Variants in USP32 observed in about 807,000 individuals in gnomAD.
USP32 encodes ubiquitin carboxyl-terminal hydrolase 32.
USP32 carries 59 observed loss-of-function variants against 204.8 expected under a neutral mutation model. That is an observed-to-expected ratio of 0.29 (90% CI 0.23 to 0.36). USP32 has a LOEUF of 0.36. Among genes scored for constraint, USP32 ranks in the 10% least tolerant of loss-of-function variants. The pLI is 1.00. For synonymous variants in USP32, 517 were observed against 678.4 expected (o/e 0.76, Z 3.70); for missense variants, 1,160 against 1,946.4 (o/e 0.60, Z 7.60).
chr17:60,229,285 C>T (rs996009027), intron 12 of USP32, among the ~76,000 whole-genome samples: 8 of 152,110 alleles, frequency 5.3e-5, no homozygotes, highest in Non-Finnish European at 1.0e-4. Flanking sequence ...CCAAACAATC[C>T]TCCTGCCTTG....
intron 7 of USP32, 145 bp from the exon 8 acceptor site, chr17:60,266,236 T>C (rs2086588312): frequency 5.1e-6 from 3 of 585,728 alleles, no homozygotes; most frequent in Non-Finnish European, 6.0e-6. Context: ...TAATAAACTA[T>C]ATTATGTCAT....
intron 1 of USP32, among the ~76,000 whole-genome samples, chr17:60,401,079 C>T (rs557943167): frequency 1.3e-5 from 2 of 151,868 alleles, no homozygotes; most frequent in African/African-American, 2.4e-5. Context: ...TGGCTTGAAC[C>T]GGGGAGGTAG....
intron 1 of USP32, among the ~76,000 whole-genome samples, chr17:60,357,222 G>A (rs887545846): frequency 6.6e-6 from 1 of 152,208 alleles, no homozygotes; most frequent in African/African-American, 2.4e-5. Context: ...TGGTCCAGGT[G>A]GGAGGACAGC....
intron 3 of USP32, among the ~76,000 whole-genome samples, chr17:60,296,055 G>A (rs939474724): frequency 2.0e-5 from 3 of 152,192 alleles, no homozygotes; most frequent in Non-Finnish European, 4.4e-5. Flanking sequence ...AACCTCTGTA[G>A]AGGGAAGAAC....
intron 1 of USP32, among the ~76,000 whole-genome samples, chr17:60,366,287 T>C (rs925606296): frequency 2.0e-5 from 3 of 152,154 alleles, no homozygotes; most frequent in Non-Finnish European, 2.9e-5. Flanking sequence ...GCCTCCCAAG[T>C]AGCTGGGATT....
At chr17:60,207,343 C>T (rs2084856149) in intron 24 of USP32, among the ~76,000 whole-genome samples, 1 of 152,028 alleles carries the variant, frequency 6.6e-6, no homozygotes, top group Non-Finnish European at 1.5e-5. Context: ...TCTCTTTTCA[C>T]AGGAAGAAGT....
At chr17:60,240,388 G>A (rs1030749913) in intron 11 of USP32, among the ~76,000 whole-genome samples, 1 of 152,000 alleles carries the variant, frequency 6.6e-6, no homozygotes, top group Non-Finnish European at 1.5e-5. Context: ...ACTTGTGTTC[G>A]AAGAGCTAGT....
intron 2 of USP32, among the ~76,000 whole-genome samples, chr17:60,316,676 A>C (rs1462184575): frequency 6.6e-6 from 1 of 152,080 alleles, no homozygotes; most frequent in African/African-American, 2.4e-5. Flanking sequence ...TCCCGTCTCT[A>C]CTAAAAATAC....
At chr17:60,257,675 G>C (rs2086347008) in intron 9 of USP32, among the ~76,000 whole-genome samples, 1 of 151,988 alleles carries the variant, frequency 6.6e-6, no homozygotes, top group African/African-American at 2.4e-5. Flanking sequence ...AGAAAAACAA[G>C]GTCTAGTTAT....
chr17:60,339,457 C>T (rs749018694), intron 2 of USP32, among the ~76,000 whole-genome samples: 1 of 151,676 alleles, frequency 6.6e-6, no homozygotes, highest in Non-Finnish European at 1.5e-5. Flanking sequence ...GTGGTGGGCA[C>T]CTGCAATCCC....
intron 26 of USP32, among the ~76,000 whole-genome samples, chr17:60,204,363 T>C (rs2084768279): frequency 6.6e-6 from 1 of 152,054 alleles, no homozygotes; most frequent in East Asian, 1.9e-4. Flanking sequence ...ATTGCCCAGG[T>C]TGGAGTGGAG....
chr17:60,250,086 A>C (rs1334335471), intron 11 of USP32, among the ~76,000 whole-genome samples: 12 of 152,218 alleles, frequency 7.9e-5, no homozygotes, highest in African/African-American at 4.8e-5. Flanking sequence ...AGACTTATTA[A>C]AAAATACAAA....
At chr17:60,390,950 T>A (rs772843661) in intron 1 of USP32, among the ~76,000 whole-genome samples, 5 of 152,186 alleles carry the variant, frequency 3.3e-5, no homozygotes, top group Non-Finnish European at 5.9e-5. Context: ...GGCCATAAAC[T>A]GTGCAACAAG....
At chr17:60,189,235 C>T (rs1184809782) in intron 29 of USP32, among the ~76,000 whole-genome samples, 1 of 152,194 alleles carries the variant, frequency 6.6e-6, no homozygotes, top group East Asian at 1.9e-4. Context: ...CAAGTATCCA[C>T]AAATTATACT....
intron 4 of USP32, among the ~76,000 whole-genome samples, chr17:60,290,875 C>T (rs2087255179): frequency 6.6e-6 from 1 of 152,146 alleles, no homozygotes; most frequent in Admixed American, 6.5e-5. Flanking sequence ...GCGAAGATGT[C>T]TAGGGGTCAG....
intron 1 of USP32, among the ~76,000 whole-genome samples, chr17:60,403,857 TAGTG>T (rs2089955070): frequency 6.6e-6 from 1 of 151,976 alleles, no homozygotes; most frequent in Non-Finnish European, 1.5e-5. Context: ...CTGGGTAACA[TAGTG>T]AGACTCTATG....
At chr17:60,256,532 A>T in intron 9 of USP32, 1 of 216,088 alleles carries the variant, frequency 4.6e-6, no homozygotes, top group African/African-American at 2.3e-5. Context: ...ATGGATTCCC[A>T]GCTGGGGCCA....
At chr17:60,180,726 A>G in intron 32 of USP32, 89 bp from the exon 33 acceptor site, 1 of 1,292,800 alleles carries the variant, frequency 7.7e-7, no homozygotes, top group Non-Finnish European at 1.1e-6. Flanking sequence ...GAGAACACTG[A>G]TCATGTAAAT....
At chr17:60,335,104 T>C (rs1483298825) in intron 2 of USP32, among the ~76,000 whole-genome samples, 1 of 142,534 alleles carries the variant, frequency 7.0e-6, no homozygotes, top group East Asian at 1.9e-4. Flanking sequence ...GCTTCCCAAG[T>C]AGCTGAGACT....
Sources: gnomAD v4.1 joint callset for allele counts (sites outside exome capture counted in the v4.1 genomes callset) on GRCh38, gnomAD v4.1.1 for gene constraint, MANE v1.5 for transcripts, NCBI Gene and HGNC (gene_info 2026-07-23, HGNC 2026-07-21) for gene names.